Variants in MYO3B observed in about 807,000 individuals in gnomAD.
MYO3B encodes myosin-IIIb.
A neutral mutation model predicts 174.6 loss-of-function variants in MYO3B; 156 were observed. The observed-to-expected ratio is 0.89, with a 90% CI of 0.78 to 1.02. The LOEUF is 1.02. Ranked by LOEUF, MYO3B falls within the 50% of genes least tolerant of loss-of-function variation. MYO3B has a pLI of 0.00. For synonymous variants in MYO3B, 563 were observed against 569.1 expected, an observed-to-expected ratio of 0.99 and a Z score of 0.15; for missense variants, 1,632 against 1,639.4, an observed-to-expected ratio of 1.00 and a Z score of 0.08.
intron 1 of MYO3B, among the ~76,000 whole-genome samples, chr2:170,189,202 G>C (rs944588307): frequency 2.6e-5 from 4 of 152,034 alleles, no homozygotes; most frequent in African/African-American, 9.7e-5. Context: ...ATGATGACTG[G>C]AGCTCTTTGT....
chr2:170,218,369 C>T (rs2092853820), intron 6 of MYO3B, among the ~76,000 whole-genome samples: 1 of 151,782 alleles, frequency 6.6e-6, no homozygotes, highest in East Asian at 1.9e-4. Flanking sequence ...TAGATATAAA[C>T]TCTTTGTCAT....
chr2:170,386,078 G>T (rs2094372040), intron 12 of MYO3B, 111 bp from the exon 13 acceptor site: 2 of 779,410 alleles, frequency 2.6e-6, no homozygotes, highest in Non-Finnish European at 4.2e-6. Flanking sequence ...AGATGCCTAA[G>T]ATCTATCTCT....
chr2:170,573,209 C>T (rs1206985976), intron 32 of MYO3B, among the ~76,000 whole-genome samples: 1 of 125,198 alleles, frequency 8.0e-6, no homozygotes, highest in African/African-American at 3.1e-5. Context: ...ATGTAATAAA[C>T]ATATATGTAT....
chr2:170,518,757 C>G (rs1416215367), intron 29 of MYO3B, among the ~76,000 whole-genome samples: 1 of 152,182 alleles, frequency 6.6e-6, no homozygotes, highest in Non-Finnish European at 1.5e-5. Flanking sequence ...ATGTTCATTT[C>G]TAGTAAGTTT....
At chr2:170,197,711 C>T (rs747784189) in intron 1 of MYO3B, among the ~76,000 whole-genome samples, 9 of 131,980 alleles carry the variant, frequency 6.8e-5, no homozygotes, top group Non-Finnish European at 1.5e-4. Flanking sequence ...GAGCAGAGCT[C>T]AGTTTCTTCT....
intron 23 of MYO3B, among the ~76,000 whole-genome samples, chr2:170,452,706 G>A (rs989592796): frequency 6.6e-6 from 1 of 152,118 alleles, no homozygotes; most frequent in African/African-American, 2.4e-5. Flanking sequence ...GATGCATAAA[G>A]TGTCTCAAAG....
At chr2:170,204,026 G>A (rs1233728755) in intron 3 of MYO3B, among the ~76,000 whole-genome samples, 2 of 152,282 alleles carry the variant, frequency 1.3e-5, no homozygotes, top group South Asian at 2.1e-4. Context: ...TGAGATGGGA[G>A]GTCACTCTCA....
intron 8 of MYO3B, among the ~76,000 whole-genome samples, chr2:170,354,488 C>G (rs1574838761): frequency 6.6e-6 from 1 of 152,304 alleles, no homozygotes; most frequent in East Asian, 1.9e-4. Context: ...GGCGGGGAAA[C>G]AGCAGGTCCC....
chr2:170,636,663 C>T (rs913924599), intron 32 of MYO3B, among the ~76,000 whole-genome samples: 4 of 152,102 alleles, frequency 2.6e-5, no homozygotes, highest in South Asian at 2.1e-4. Flanking sequence ...GAGCTGGTGG[C>T]GCGTTTCCCG....
At chr2:170,515,692 A>C (rs1688260924) in intron 29 of MYO3B, among the ~76,000 whole-genome samples, 1 of 152,056 alleles carries the variant, frequency 6.6e-6, no homozygotes, top group Admixed American at 6.6e-5. Context: ...TAATGCCAGC[A>C]CCTGCATTTG....
At chr2:170,323,953 G>A (rs2093846962) in intron 7 of MYO3B, among the ~76,000 whole-genome samples, 1 of 152,150 alleles carries the variant, frequency 6.6e-6, no homozygotes, top group Non-Finnish European at 1.5e-5. Flanking sequence ...CTTTGACTTA[G>A]CACTCATGAC....
chr2:170,213,895 A>C (rs1007838749), intron 3 of MYO3B, among the ~76,000 whole-genome samples: 2 of 152,172 alleles, frequency 1.3e-5, no homozygotes, highest in Admixed American at 6.5e-5. Flanking sequence ...ACGTGCTAGC[A>C]CTGGAGAAAT....
At chr2:170,548,760 G>A (rs1037390911) in intron 32 of MYO3B, among the ~76,000 whole-genome samples, 5 of 152,182 alleles carry the variant, frequency 3.3e-5, no homozygotes, top group African/African-American at 1.2e-4. Context: ...ACATTGGGCT[G>A]TAATGCAGAG....
At chr2:170,537,145 G>A (rs1689747319) in intron 30 of MYO3B, among the ~76,000 whole-genome samples, 1 of 148,582 alleles carries the variant, frequency 6.7e-6, no homozygotes, top group South Asian at 2.1e-4. Flanking sequence ...ATGTTGCAGT[G>A]AGCCGAGATC....
chr2:170,546,806 C>T (rs945289375), intron 32 of MYO3B, among the ~76,000 whole-genome samples: 4 of 152,146 alleles, frequency 2.6e-5, no homozygotes, highest in Non-Finnish European at 4.4e-5. Context: ...TGAATGAGAA[C>T]ATTGTGACCT....
chr2:170,403,072 C>A (rs985754550), intron 19 of MYO3B, 77 bp downstream of exon 19: 11 of 1,388,572 alleles, frequency 7.9e-6, no homozygotes, highest in Non-Finnish European at 1.1e-5. Context: ...GTAGCAGAAA[C>A]CCTGTAGACT....
chr2:170,504,798 G>T (rs1430859750), intron 28 of MYO3B, among the ~76,000 whole-genome samples: 1 of 152,082 alleles, frequency 6.6e-6, no homozygotes, highest in African/African-American at 2.4e-5. Context: ...GAAATAATCT[G>T]CCTGGCTAAT....
chr2:170,182,871 A>G (rs529979145), intron 1 of MYO3B, among the ~76,000 whole-genome samples: 9 of 151,722 alleles, frequency 5.9e-5, no homozygotes, highest in Non-Finnish European at 1.0e-4. Context: ...GGCCTCCCAA[A>G]GTGCTGGGAT....
At chr2:170,253,994 C>A (rs1243131744) in intron 7 of MYO3B, among the ~76,000 whole-genome samples, 2 of 152,054 alleles carry the variant, frequency 1.3e-5, no homozygotes, top group Middle Eastern at 3.2e-3. Flanking sequence ...ACACTTTGAA[C>A]AGATCTTTTG....
Sources: gnomAD v4.1 joint callset for allele counts (sites outside exome capture counted in the v4.1 genomes callset) on GRCh38, gnomAD v4.1.1 for gene constraint, MANE v1.5 for transcripts, NCBI Gene and HGNC (gene_info 2026-07-23, HGNC 2026-07-21) for gene names.